Variants in CSTF2 observed in about 807,000 individuals in gnomAD.
The protein encoded by CSTF2 is cleavage stimulation factor subunit 2, also known as CF-1 64 kDa subunit.
In CSTF2, 8 loss-of-function variants were observed where a neutral mutation model predicts 45.4. That is an observed-to-expected ratio of 0.18 (90% CI 0.10 to 0.32). The LOEUF (loss-of-function observed/expected upper bound fraction) is 0.32. Ranked by LOEUF, CSTF2 falls within the 10% of genes least tolerant of loss-of-function variation. CSTF2 has a pLI of 1.00. For missense variants in CSTF2, 253 were observed against 477.1 expected, an observed-to-expected ratio of 0.53 and a Z score of 4.38; for synonymous variants, 155 against 158.9, an observed-to-expected ratio of 0.98 and a Z score of 0.18.
At chrX:100,834,166 G>A (rs2084993902) in intron 11 of CSTF2, among the ~76,000 whole-genome samples, 1 of 111,310 alleles carries the variant, frequency 9.0e-6, no homozygotes, top group South Asian at 3.8e-4. Context: ...TGTTTCTTCC[G>A]TGAGTTTTTA....
chrX:100,831,495 C>A lies in CSTF2; in HGVS notation c.890-20C>A, dbSNP rs377035080. 5 of 1,209,114 alleles carry A rather than the reference C, an allele frequency of 4.1e-6. No individual in the cohort carries two copies. In the African/African-American group the frequency reaches 8.8e-5, roughly 21 times the overall value. On this transcript the variant is annotated intron_variant, in intron 8 of 13. Transcript: ENST00000372972. ...TATGTGTCTTTCACAGCAGTAACTC[C>A]CCGTTTGTTTCCCTGTCAGTGCCGA...
At chrX:100,829,989 A>G (rs770959424) in intron 8 of CSTF2, among the ~76,000 whole-genome samples, 1 of 112,058 alleles carries the variant, frequency 8.9e-6, no homozygotes, top group African/African-American at 3.2e-5. Context: ...GCTTTCTTTT[A>G]TAGTTTCCTT....
intron 12 of CSTF2, among the ~76,000 whole-genome samples, chrX:100,837,985 A>G (rs1444831788): frequency 2.7e-5 from 3 of 111,826 alleles, no homozygotes; most frequent in East Asian, 2.8e-4. Flanking sequence ...TGAATCGTCT[A>G]ATCTTAGGTA....
At chrX:100,826,944 C>G (rs2084948482) in intron 7 of CSTF2, among the ~76,000 whole-genome samples, 187 bp downstream of exon 7, 1 of 111,138 alleles carries the variant, frequency 9.0e-6, no homozygotes. Context: ...ATTATAAGAA[C>G]AGGGAAAGGG....
chrX:100,826,905 G>A, intron 7 of CSTF2, 148 bp downstream of exon 7: 1 of 516,866 alleles, frequency 1.9e-6, no homozygotes, highest in Non-Finnish European at 3.0e-6. Flanking sequence ...GGAAATAGTA[G>A]ATTTCTTACG....
intron 3 of CSTF2, 28 bp downstream of exon 3, chrX:100,822,448 T>G: frequency 8.5e-7 from 1 of 1,175,288 alleles, no homozygotes; most frequent in Non-Finnish European, 1.2e-6. Flanking sequence ...TTGGATGCAG[T>G]ATGAGTTAGT....
intron 9 of CSTF2, among the ~76,000 whole-genome samples, chrX:100,831,955 G>A (rs1569440260): frequency 8.9e-6 from 1 of 112,257 alleles, no homozygotes; most frequent in Non-Finnish European, 1.9e-5. Flanking sequence ...AGTGGCTGAC[G>A]CCTATAATCC....
chrX:100,820,423 G>A lies in CSTF2; in HGVS notation c.7G>A (p.Gly3Ser), dbSNP rs757987568. Residue 3 changes from glycine to serine, a missense_variant, in exon 1 of 14, where the codon GGT (glycine) becomes AGT (serine). By Grantham distance (56) the Gly-to-Ser change is moderately conservative (BLOSUM62 0). Coordinates refer to ENST00000372972, the MANE Select transcript of CSTF2 (RefSeq NM_001325.3). MA[G>S]LTVRDPAVDR... ...AAGCCGACTCAACAGAGCTATGGCGGGTTTGACTGTGAGAGACCCAGCGGT... is the reference window on the plus strand; with the variant it reads ...AAGCCGACTCAACAGAGCTATGGCGAGTTTGACTGTGAGAGACCCAGCGGT... The A allele has an allele frequency of 2.5e-6, 3 of 1,211,807 alleles. No individual in the cohort carries two copies. Among genetic ancestry groups the A allele is most frequent in the Non-Finnish European group, 3.4e-6 (3 of 895,222 alleles).
intron 8 of CSTF2, among the ~76,000 whole-genome samples, chrX:100,829,686 G>A (rs926012705): frequency 2.7e-5 from 3 of 111,319 alleles, no homozygotes; most frequent in Non-Finnish European, 5.6e-5. Flanking sequence ...AGCATCCAAT[G>A]CTTTTGTGCT....
At chrX:100,836,425 C>A (rs949775345) in intron 11 of CSTF2, among the ~76,000 whole-genome samples, 7 of 112,072 alleles carry the variant, frequency 6.2e-5, no homozygotes, top group Non-Finnish European at 1.1e-4. Flanking sequence ...GAAGTGGTAT[C>A]TGCTCCTAAC....
intron 3 of CSTF2, 71 bp downstream of exon 3, chrX:100,822,491 A>G: frequency 1.9e-6 from 2 of 1,076,178 alleles, no homozygotes; most frequent in South Asian, 2.0e-5. Flanking sequence ...TCCATTTCTG[A>G]TATGTTTTAG....
chrX:100,830,104 T>C (rs1459733731), intron 8 of CSTF2, among the ~76,000 whole-genome samples: 2 of 112,235 alleles, frequency 1.8e-5, no homozygotes, highest in African/African-American at 6.5e-5. Flanking sequence ...TGGAGATGTT[T>C]GAGAAGATAC....
intron 9 of CSTF2, among the ~76,000 whole-genome samples, chrX:100,832,449 C>T (rs2084981504): frequency 8.9e-6 from 1 of 111,854 alleles, no homozygotes; most frequent in Non-Finnish European, 1.9e-5. Context: ...TAGATTTGAA[C>T]CCATACAGTC....
chrX:100,832,371 C>T (rs999455493), intron 9 of CSTF2, among the ~76,000 whole-genome samples: 20 of 112,052 alleles, frequency 1.8e-4, no homozygotes, highest in South Asian at 3.7e-4. Context: ...CCATTTTACA[C>T]GTGAAACTGA....
intron 13 of CSTF2, among the ~76,000 whole-genome samples, chrX:100,839,715 T>A (rs1183814286): frequency 2.7e-5 from 3 of 111,786 alleles, no homozygotes; most frequent in Admixed American, 9.5e-5. Flanking sequence ...TCTTTTTTTT[T>A]AGTAAAAGTA....
intron 6 of CSTF2, 42 bp from the exon 7 acceptor site, chrX:100,826,592 C>G (rs2084946170): frequency 7.6e-6 from 9 of 1,183,253 alleles, no homozygotes; most frequent in Non-Finnish European, 9.2e-6. Flanking sequence ...TATTGAGTAT[C>G]CACAGAGGCA....
At chrX:100,827,853 A>T (rs1370448385) in intron 7 of CSTF2, among the ~76,000 whole-genome samples, 187 bp from the exon 8 acceptor site, 2 of 112,489 alleles carry the variant, frequency 1.8e-5, no homozygotes, top group Admixed American at 9.4e-5. Flanking sequence ...TCACTGAAAC[A>T]TAAAGTACAA....
chrX:100,828,182 C>G, intron 8 of CSTF2, 80 bp downstream of exon 8: 3 of 713,730 alleles, frequency 4.2e-6, no homozygotes, highest in Admixed American at 3.3e-5. Flanking sequence ...ATGGCAGCCA[C>G]TAACCACCCA....
At chrX:100,826,569 C>T (rs1313091304) in intron 6 of CSTF2, 65 bp from the exon 7 acceptor site, 7 of 1,119,289 alleles carry the variant, frequency 6.3e-6, no homozygotes, top group Middle Eastern at 3.1e-4. Context: ...CTTTTAAGGT[C>T]GTAGACTTAG....
Sources: gnomAD v4.1 joint callset for allele counts (sites outside exome capture counted in the v4.1 genomes callset) on GRCh38, gnomAD v4.1.1 for gene constraint, MANE v1.5 for transcripts, NCBI Gene and HGNC (gene_info 2026-07-23, HGNC 2026-07-21) for gene names.